INPP4B: variants seen among roughly 807,000 people sequenced by gnomAD.
The protein encoded by INPP4B is inositol polyphosphate 4-phosphatase type II.
In INPP4B, 55 loss-of-function variants were observed where a neutral mutation model predicts 122.5. The observed-to-expected ratio is 0.45, with a 90% confidence interval of 0.36 to 0.56. The LOEUF is 0.56. Among genes scored for constraint, INPP4B ranks in the 20% least tolerant of loss-of-function variants. The pLI is 0.00. For synonymous variants in INPP4B, 403 were observed against 388.7 expected (o/e 1.04, Z -0.43); for missense variants, 1,000 against 1,097.7 (o/e 0.91, Z 1.26).
chr4:142,301,396 G>T (rs1561795933), intron 9 of INPP4B, among the ~76,000 whole-genome samples: 1 of 152,074 alleles, frequency 6.6e-6, no homozygotes, highest in Non-Finnish European at 1.5e-5. Flanking sequence ...GGACAAGGAA[G>T]AAAAAATTCC....
At chr4:142,681,909 T>G (rs1469817806) in intron 2 of INPP4B, among the ~76,000 whole-genome samples, 1 of 151,900 alleles carries the variant, frequency 6.6e-6, no homozygotes, top group African/African-American at 2.4e-5. Context: ...CCATATTTCA[T>G]TATGTATACT....
intron 11 of INPP4B, among the ~76,000 whole-genome samples, chr4:142,257,930 T>C (rs1315537515): frequency 6.6e-6 from 1 of 152,172 alleles, no homozygotes; most frequent in African/African-American, 2.4e-5. Context: ...GCTGGAGACA[T>C]CGCACTACCT....
chr4:142,512,335 G>C (rs1445867389), intron 2 of INPP4B, among the ~76,000 whole-genome samples: 1 of 152,136 alleles, frequency 6.6e-6, no homozygotes, highest in Non-Finnish European at 1.5e-5. Context: ...CCAGCTAGCT[G>C]ATTTTGTAAG....
At chr4:142,733,367 C>T (rs1197153537) in intron 1 of INPP4B, among the ~76,000 whole-genome samples, 2 of 151,936 alleles carry the variant, frequency 1.3e-5, no homozygotes, top group South Asian at 4.2e-4. Context: ...AATGACAAGC[C>T]ATGGAGTATA....
intron 2 of INPP4B, among the ~76,000 whole-genome samples, chr4:142,670,657 G>A (rs1327099425): frequency 6.6e-6 from 1 of 151,982 alleles, no homozygotes; most frequent in African/African-American, 2.4e-5. Context: ...GTGGTTTGGG[G>A]CTGGGATTGG....
intron 2 of INPP4B, among the ~76,000 whole-genome samples, chr4:142,671,283 A>C (rs996089909): frequency 6.6e-6 from 1 of 152,130 alleles, no homozygotes; most frequent in Non-Finnish European, 1.5e-5. Context: ...TTTGTCTCTC[A>C]AAGCCCTGAA....
At chr4:142,802,331 T>C (rs1386669359) in intron 1 of INPP4B, among the ~76,000 whole-genome samples, 1 of 152,214 alleles carries the variant, frequency 6.6e-6, no homozygotes, top group Non-Finnish European at 1.5e-5. Context: ...TTCTTCTAGA[T>C]AAAAAGAGAA....
intron 12 of INPP4B, among the ~76,000 whole-genome samples, chr4:142,228,333 A>G (rs569740163): frequency 6.6e-6 from 1 of 152,084 alleles, no homozygotes; most frequent in Admixed American, 6.6e-5. Flanking sequence ...TTACTTTTTT[A>G]AAAAAATGCA....
At chr4:142,127,633 T>TAAA (rs1412207788) in intron 18 of INPP4B, among the ~76,000 whole-genome samples, 8 of 152,192 alleles carry the variant, frequency 5.3e-5, no homozygotes, top group African/African-American at 1.9e-4. Context: ...ATATACTTTT[T>TAAA]ATGGCTAAAA....
intron 2 of INPP4B, among the ~76,000 whole-genome samples, chr4:142,673,949 G>A (rs1489629929): frequency 6.6e-6 from 1 of 152,116 alleles, no homozygotes; most frequent in Non-Finnish European, 1.5e-5. Context: ...GCTGCCAGCA[G>A]TGTTGGCTGC....
chr4:142,597,066 T>G (rs927420096), intron 2 of INPP4B, among the ~76,000 whole-genome samples: 3 of 152,206 alleles, frequency 2.0e-5, no homozygotes, highest in African/African-American at 7.2e-5. Context: ...CATAATCTTA[T>G]CCAACTCTCA....
chr4:142,182,417 A>G (rs2645818), intron 15 of INPP4B, among the ~76,000 whole-genome samples: 150,137 of 151,930 alleles, frequency 0.99, 74,213 homozygotes, highest in East Asian at 1. Context: ...GCGTGGTGGC[A>G]GGTGCCTGTA....
intron 2 of INPP4B, among the ~76,000 whole-genome samples, chr4:142,718,191 A>G (rs143048985): frequency 6.6e-6 from 1 of 152,308 alleles, no homozygotes; most frequent in Non-Finnish European, 1.5e-5. Flanking sequence ...AGGTGTTTGA[A>G]TTTATGAAAT....
chr4:142,756,890 C>T (rs1269762914), intron 1 of INPP4B, among the ~76,000 whole-genome samples: 1 of 152,026 alleles, frequency 6.6e-6, no homozygotes, highest in African/African-American at 2.4e-5. Flanking sequence ...CATAGATTTA[C>T]GTCCCAGAAA....
At chr4:142,217,480 T>C (rs533797217) in intron 12 of INPP4B, among the ~76,000 whole-genome samples, 1 of 152,322 alleles carries the variant, frequency 6.6e-6, no homozygotes, top group South Asian at 2.1e-4. Context: ...CCCTAGAGTA[T>C]AGTGCTAAGC....
At chr4:142,469,469 A>C (rs1308479578) in intron 2 of INPP4B, among the ~76,000 whole-genome samples, 2 of 152,122 alleles carry the variant, frequency 1.3e-5, no homozygotes, top group Non-Finnish European at 2.9e-5. Context: ...TCCAATGAAA[A>C]TTCTAATGAA....
chr4:142,114,115 T>C (rs1448586508), intron 21 of INPP4B, among the ~76,000 whole-genome samples: 1 of 152,126 alleles, frequency 6.6e-6, no homozygotes, highest in Non-Finnish European at 1.5e-5. Context: ...GTTTTTGAAG[T>C]CATCCATGTT....
chr4:142,202,135 T>C (rs953749770), intron 14 of INPP4B, among the ~76,000 whole-genome samples: 1 of 152,020 alleles, frequency 6.6e-6, no homozygotes, highest in Non-Finnish European at 1.5e-5. Context: ...AAGTAATAGA[T>C]AAGTAGAATT....
intron 3 of INPP4B, among the ~76,000 whole-genome samples, chr4:142,449,082 T>C (rs1177844754): frequency 6.6e-6 from 1 of 152,122 alleles, no homozygotes; most frequent in Non-Finnish European, 1.5e-5. Context: ...GCTAGCAATA[T>C]TAAATTCAGT....
Sources: gnomAD v4.1 joint callset for allele counts (sites outside exome capture counted in the v4.1 genomes callset) on GRCh38, gnomAD v4.1.1 for gene constraint, MANE v1.5 for transcripts, NCBI Gene and HGNC (gene_info 2026-07-23, HGNC 2026-07-21) for gene names.